Variants in LEPR observed in about 807,000 individuals in gnomAD.
LEPR encodes leptin receptor.
Under a neutral mutation model 114.7 loss-of-function variants are expected in LEPR, and 56 were observed. The observed-to-expected ratio is 0.49, with a 90% CI of 0.39 to 0.61. The LOEUF (loss-of-function observed/expected upper bound fraction) is 0.61. Ranked by LOEUF, LEPR falls within the 20% of genes least tolerant of loss-of-function variation. LEPR has a pLI of 0.00. For missense variants in LEPR, 1,202 were observed against 1,352.9 expected, an observed-to-expected ratio of 0.89 and a Z score of 1.75; for synonymous variants, 443 against 461.4, an observed-to-expected ratio of 0.96 and a Z score of 0.51.
chr1:65,501,836 C>T (rs144749890), intron 2 of LEPR, among the ~76,000 whole-genome samples: 2 of 152,112 alleles, frequency 1.3e-5, no homozygotes, highest in African/African-American at 4.8e-5. Flanking sequence ...TGTTCTGATG[C>T]GTCCTCCTTG....
At chr1:65,431,727 G>A in intron 2 of LEPR, 1 of 1,448,964 alleles carries the variant, frequency 6.9e-7, no homozygotes, top group Non-Finnish European at 9.4e-7. Context: ...TGTTTCTAAT[G>A]CAGAAAATAA....
At chr1:65,634,264 T>A (rs2101043407) in intron 19 of LEPR, 1 of 980,090 alleles carries the variant, frequency 1.0e-6, no homozygotes, top group East Asian at 1.1e-4. Flanking sequence ...TAACTCGTAG[T>A]TTTATTTGAA....
chr1:65,513,712 G>A (rs529560107), intron 2 of LEPR, among the ~76,000 whole-genome samples: 14 of 152,312 alleles, frequency 9.2e-5, no homozygotes, highest in African/African-American at 3.4e-4. Context: ...CAGGTTCATA[G>A]GGACTTAAAT....
chr1:65,486,990 T>C (rs898817197), intron 2 of LEPR, among the ~76,000 whole-genome samples: 1 of 152,188 alleles, frequency 6.6e-6, no homozygotes, highest in Non-Finnish European at 1.5e-5. Context: ...ATGTTAGTTC[T>C]GTTCCTACCA....
chr1:65,430,149 C>A, intron 2 of LEPR: 1 of 1,037,220 alleles, frequency 9.6e-7, no homozygotes, highest in Non-Finnish European at 1.3e-6. Context: ...AGGCTTTATA[C>A]TCAAGGCCGT....
chr1:65,623,132 T>C lies in LEPR; in HGVS notation c.2673+151T>C, dbSNP rs1657984820. The C allele has an allele frequency of 3.8e-6, 3 of 780,020 alleles. No individual in the cohort carries two copies. In the Admixed American group the frequency reaches 8.3e-5, roughly 22 times the overall value. 48.3% of individuals were successfully genotyped at this position (780,020 alleles called of 1,614,324 possible). A position where few individuals can be genotyped will look rare whatever the true frequency, so the allele number is the denominator to read the frequency against. On this transcript the variant is annotated intron_variant, in intron 19 of 19. Transcript: ENST00000349533. Reference sequence around the variant, plus strand: ...ATCTGTTATTATATACTTTCAAGAATAGCAGGATGCAGGGATTTGAAATCA... The same window carrying C: ...ATCTGTTATTATATACTTTCAAGAACAGCAGGATGCAGGGATTTGAAATCA...
intron 2 of LEPR, among the ~76,000 whole-genome samples, chr1:65,445,797 C>G (rs1376738528): frequency 6.6e-6 from 1 of 152,082 alleles, no homozygotes; most frequent in Non-Finnish European, 1.5e-5. Context: ...AAGACTTAAT[C>G]AATTCTCAAT....
intron 19 of LEPR, chr1:65,626,216 C>T (rs1372300379): frequency 1.9e-6 from 3 of 1,585,954 alleles, no homozygotes; most frequent in East Asian, 2.3e-5. Flanking sequence ...CACCTGCTCT[C>T]CCTGAGGTGT....
At chr1:65,610,362 C>A in intron 14 of LEPR, 66 bp downstream of exon 14, 2 of 1,280,474 alleles carry the variant, frequency 1.6e-6, no homozygotes, top group African/African-American at 1.5e-5. Flanking sequence ...ACTTCATGGT[C>A]CATAATCCTG....
chr1:65,615,987 C>T, intron 14 of LEPR, 21 bp from the exon 15 acceptor site: 2 of 1,613,782 alleles, frequency 1.2e-6, no homozygotes, highest in Non-Finnish European at 1.7e-6. Flanking sequence ...TTAAACTAAT[C>T]AATTTCTATA....
At chr1:65,454,717 T>C (rs1014151758) in intron 2 of LEPR, among the ~76,000 whole-genome samples, 1 of 152,168 alleles carries the variant, frequency 6.6e-6, no homozygotes, top group Non-Finnish European at 1.5e-5. Context: ...CCCTTAACAT[T>C]TTTTCCTTCA....
At chr1:65,594,254 C>CA (rs1418648852) in intron 6 of LEPR, among the ~76,000 whole-genome samples, 1 of 151,948 alleles carries the variant, frequency 6.6e-6, no homozygotes, top group East Asian at 1.9e-4. Context: ...ACAATATTCA[C>CA]AAAATCCCTA....
chr1:65,440,828 T>G (rs912912795), intron 2 of LEPR, among the ~76,000 whole-genome samples: 1 of 152,244 alleles, frequency 6.6e-6, no homozygotes, highest in African/African-American at 2.4e-5. Flanking sequence ...TTATTCGGAT[T>G]GCTCTAGCTG....
Position 65,636,534 on chromosome 1 carries a change from A to T in LEPR, c.3017A>T (p.Asn1006Ile). ...SETGEEQGLI[N>I]SSVTKCFSSK... is the part of the protein sequence containing the mutation. ...ACTGGTGAAGAACAAGGGCTTATAA[A>T]TAGTTCAGTCACCAAGTGCTTCTCT... The change falls in exon 20 of 20, where the codon AAT becomes ATT. Residue 1006 changes from asparagine (N) to isoleucine (I), a missense_variant. Physicochemically the swap from Asn to Ile is moderately radical, Grantham distance 149 (BLOSUM62 -3). Transcript: ENST00000349533. The T allele has an allele frequency of 6.2e-7, 1 of 1,614,112 alleles. No homozygotes were observed. Among genetic ancestry groups the T allele is most frequent in the Non-Finnish European group, 8.5e-7 (1 of 1,179,994 alleles).
intron 2 of LEPR, 70 bp from the exon 3 acceptor site, chr1:65,565,476 T>C: frequency 1.4e-6 from 2 of 1,475,974 alleles, no homozygotes; most frequent in Non-Finnish European, 1.9e-6. Flanking sequence ...TTTTATGTTT[T>C]CCACAGACAA....
chr1:65,610,376 T>C (rs1159998083), intron 14 of LEPR, 80 bp downstream of exon 14: 3 of 1,188,738 alleles, frequency 2.5e-6, no homozygotes, highest in South Asian at 1.4e-5. Context: ...AATCCTGTTA[T>C]TAATCTTCGG....
chr1:65,425,549 C>T (rs775712947), intron 2 of LEPR, among the ~76,000 whole-genome samples, 171 bp downstream of exon 2: 13 of 152,320 alleles, frequency 8.5e-5, no homozygotes, highest in Non-Finnish European at 1.5e-4. Context: ...GCAGAGGGCT[C>T]TGTTAAAAAT....
At chr1:65,515,629 T>C (rs1649247466) in intron 2 of LEPR, among the ~76,000 whole-genome samples, 1 of 152,224 alleles carries the variant, frequency 6.6e-6, no homozygotes, top group Non-Finnish European at 1.5e-5. Flanking sequence ...TTTCTCAATT[T>C]ATGGCTTGAC....
At chr1:65,426,363 C>T (rs557395732) in intron 2 of LEPR, among the ~76,000 whole-genome samples, 38 of 152,030 alleles carry the variant, frequency 2.5e-4, no homozygotes, top group Admixed American at 7.2e-4. Context: ...GCTCTATATG[C>T]CTGCCGTGTA....
Sources: allele counts gnomAD v4.1 joint callset (sites outside exome capture counted in the v4.1 genomes callset), GRCh38; gene constraint gnomAD v4.1.1; transcripts MANE v1.5; gene names NCBI Gene and HGNC (gene_info 2026-07-23, HGNC 2026-07-21).